Variants in SNX14 observed in about 807,000 individuals in gnomAD.
The protein encoded by SNX14 is sorting nexin-14.
Under a neutral mutation model 133.8 loss-of-function variants are expected in SNX14, and 93 were observed. The observed-to-expected ratio is 0.70, with a 90% confidence interval of 0.59 to 0.83. The LOEUF (loss-of-function observed/expected upper bound fraction) is 0.83, where lower values mean the gene tolerates loss of function less well. Among genes scored for constraint, SNX14 ranks in the 40% least tolerant of loss-of-function variants. The pLI, the probability that SNX14 is intolerant of heterozygous loss-of-function variation, is 0.00. For missense variants in SNX14, 945 were observed against 1,094.9 expected (o/e 0.86, Z 1.93); for synonymous variants, 368 against 365.6 (o/e 1.01, Z -0.07).
At chr6:85,548,647 A>G (rs2128101958) in intron 8 of SNX14, among the ~76,000 whole-genome samples, 1 of 152,258 alleles carries the variant, frequency 6.6e-6, no homozygotes, top group East Asian at 1.9e-4. Context: ...TATTCCCTTA[A>G]CAGGAGGAAC....
intron 7 of SNX14, 133 bp downstream of exon 7, chr6:85,557,843 C>T: frequency 3.4e-6 from 2 of 594,128 alleles, no homozygotes; most frequent in Non-Finnish European, 5.9e-6. Flanking sequence ...AAAGACATTT[C>T]AGTTTAAGAG....
At chr6:85,548,089 G>T (rs1786345856) in intron 9 of SNX14, among the ~76,000 whole-genome samples, 1 of 152,152 alleles carries the variant, frequency 6.6e-6, no homozygotes, top group African/African-American at 2.4e-5. Flanking sequence ...GCCAGGGGGG[G>T]CTGGAGGGAG....
intron 15 of SNX14, among the ~76,000 whole-genome samples, chr6:85,540,433 C>T (rs1414792747): frequency 6.6e-6 from 1 of 152,174 alleles, no homozygotes; most frequent in South Asian, 2.1e-4. Flanking sequence ...GAGGAAACTC[C>T]TTGGAAAAGA....
chr6:85,533,477 A>C (rs1020791100), intron 18 of SNX14, 122 bp downstream of exon 18: 36 of 865,232 alleles, frequency 4.2e-5, no homozygotes, highest in Non-Finnish European at 6.0e-5. Context: ...TGTTCTGGAC[A>C]CTTCTCTTTT....
intron 12 of SNX14, among the ~76,000 whole-genome samples, chr6:85,545,873 G>C (rs1420021997): frequency 6.6e-6 from 1 of 152,152 alleles, no homozygotes; most frequent in Non-Finnish European, 1.5e-5. Context: ...TGTCGAGACA[G>C]GGTTTCACTA....
chr6:85,528,209 T>C (rs1423635342), intron 20 of SNX14, 53 bp downstream of exon 20: 3 of 1,257,248 alleles, frequency 2.4e-6, no homozygotes, highest in Non-Finnish European at 3.4e-6. Flanking sequence ...AAGAGACAAA[T>C]TAGAGAATGC....
chr6:85,522,883 C>T (rs2127929216), intron 21 of SNX14, among the ~76,000 whole-genome samples: 1 of 152,264 alleles, frequency 6.6e-6, no homozygotes, highest in Non-Finnish European at 1.5e-5. Flanking sequence ...ACATGCCAGT[C>T]CCTCCAACTG....
chr6:85,541,093 G>A (rs1454381724), intron 15 of SNX14, among the ~76,000 whole-genome samples: 2 of 150,790 alleles, frequency 1.3e-5, no homozygotes, highest in Non-Finnish European at 2.9e-5. Flanking sequence ...TCCTGGGCTC[G>A]AACAATTCTT....
At chr6:85,548,400 T>A (rs1266230495) in intron 8 of SNX14, 24 bp from the exon 9 acceptor site, 5 of 1,510,488 alleles carry the variant, frequency 3.3e-6, no homozygotes, top group Non-Finnish European at 4.5e-6. Flanking sequence ...TAATAATAAT[T>A]GTTTATATTT....
At chr6:85,514,775 A>G in intron 23 of SNX14, 146 bp from the exon 24 acceptor site, 1 of 656,062 alleles carries the variant, frequency 1.5e-6, no homozygotes, top group Non-Finnish European at 2.3e-6. Context: ...ATATGCTTCT[A>G]AAATTCCCCA....
chr6:85,508,772 A>G lies in SNX14; in HGVS notation c.2654-713T>C, dbSNP rs187912639. On this transcript the variant is annotated intron_variant, in intron 26 of 28. Transcript: ENST00000314673. ...ATGTACCACTGATATCAATTCTGTT[A>G]CCAAGAAAAGTCAATCCTTATTAAG... Among the ~76,000 whole-genome samples, 107 of 152,102 alleles carry G rather than the reference A, an allele frequency of 7.0e-4. No homozygotes were observed. In the East Asian group the frequency reaches 0.018, roughly 25 times the overall value.
intron 21 of SNX14, among the ~76,000 whole-genome samples, chr6:85,522,198 C>T (rs1777113694): frequency 1.3e-5 from 2 of 152,214 alleles, no homozygotes; most frequent in South Asian, 4.1e-4. Context: ...ACTCCTTCCC[C>T]ATTCTGCAGA....
At chr6:85,560,084 T>C (rs1791040108) in intron 6 of SNX14, among the ~76,000 whole-genome samples, 1 of 152,180 alleles carries the variant, frequency 6.6e-6, no homozygotes, top group Non-Finnish European at 1.5e-5. Flanking sequence ...GTCTGGCAGT[T>C]ACTCAAAGTG....
chr6:85,535,643 C>T (rs1005169685), intron 17 of SNX14, among the ~76,000 whole-genome samples: 7 of 145,970 alleles, frequency 4.8e-5, no homozygotes, highest in African/African-American at 1.8e-4. Context: ...CCCACACTTA[C>T]AGGGAAAAAA....
intron 7 of SNX14, among the ~76,000 whole-genome samples, chr6:85,556,373 G>GA (rs1460229250): frequency 6.6e-6 from 1 of 151,746 alleles, no homozygotes; most frequent in Non-Finnish European, 1.5e-5. Flanking sequence ...AAACCAGCCT[G>GA]AGCAACACAG....
chr6:85,543,435 G>T, intron 13 of SNX14, 129 bp from the exon 14 acceptor site: 1 of 1,060,978 alleles, frequency 9.4e-7, no homozygotes, highest in Non-Finnish European at 1.3e-6. Context: ...CTCTAGTTCT[G>T]ACAAATACAT....
intron 6 of SNX14, among the ~76,000 whole-genome samples, chr6:85,563,344 T>C (rs1328130677): frequency 6.6e-6 from 1 of 152,184 alleles, no homozygotes; most frequent in Non-Finnish European, 1.5e-5. Flanking sequence ...TACAAATATA[T>C]ATAGGCAATG....
At chr6:85,593,098 T>G (rs1158875399) in intron 1 of SNX14, among the ~76,000 whole-genome samples, 3 of 152,210 alleles carry the variant, frequency 2.0e-5, no homozygotes, top group Admixed American at 6.5e-5. Flanking sequence ...ATCGTCTGTT[T>G]TATTCAACAA....
At chr6:85,555,274 C>A (rs926896241) in intron 7 of SNX14, among the ~76,000 whole-genome samples, 2 of 152,162 alleles carry the variant, frequency 1.3e-5, no homozygotes, top group Non-Finnish European at 2.9e-5. Context: ...TTCCCCCGCA[C>A]AAAAACCTAC....
Sources: allele counts gnomAD v4.1 joint callset (sites outside exome capture counted in the v4.1 genomes callset), GRCh38; gene constraint gnomAD v4.1.1; transcripts MANE v1.5; gene names NCBI Gene and HGNC (gene_info 2026-07-23, HGNC 2026-07-21).